The following ABCA12 variants were observed in gnomAD, a reference collection of about 807,000 sequenced individuals.
ABCA12 encodes the protein glucosylceramide transporter ABCA12.
Under a neutral mutation model 293.5 loss-of-function variants are expected in ABCA12, and 156 were observed. That is an observed-to-expected ratio of 0.53 (90% CI 0.47 to 0.61). The LOEUF (loss-of-function observed/expected upper bound fraction) is 0.61, where lower values mean the gene tolerates loss of function less well. ABCA12 is among the 20% of genes least tolerant of loss of function. The probability of loss-of-function intolerance (pLI) is 0.00; values close to 1 mark genes in which losing one functional copy is unlikely to be tolerated. For missense variants in ABCA12, 2,797 were observed against 3,090.2 expected (o/e 0.91, Z 2.25); for synonymous variants, 1,063 against 1,108.0 (o/e 0.96, Z 0.81).
intron 51 of ABCA12, 29 bp from the exon 52 acceptor site, chr2:214,934,244 T>C: frequency 6.2e-7 from 1 of 1,613,384 alleles, no homozygotes; most frequent in Non-Finnish European, 8.5e-7. Context: ...AAAAGTTTAT[T>C]TTGCAATGTC....
rs1025471618 is a variant in ABCA12, at chr2:214,978,244, A to C, written c.5128+72T>G. ...TTTAGAGTTGAATTTTTAAAAATCA[A>C]AGTCTGTCTGTGATTTTTCTCATTT... On this transcript the variant is annotated intron_variant, in intron 33 of 52. Coordinates refer to ENST00000272895, the MANE Select transcript of ABCA12 (RefSeq NM_173076.3). The C allele has an allele frequency of 1.5e-5, 23 of 1,562,718 alleles. No homozygotes were observed. In the African/African-American group the frequency reaches 1.6e-4, roughly 11 times the overall value.
chr2:214,960,204 A>G (rs1699074824), intron 39 of ABCA12, among the ~76,000 whole-genome samples: 1 of 152,182 alleles, frequency 6.6e-6, no homozygotes, highest in African/African-American at 2.4e-5. Context: ...ACTAACAACA[A>G]CAAAAACCAA....
chr2:215,113,252 C>A (rs1409529764), intron 1 of ABCA12, among the ~76,000 whole-genome samples: 1 of 152,188 alleles, frequency 6.6e-6, no homozygotes, highest in Non-Finnish European at 1.5e-5. Flanking sequence ...GCTGGTAGGC[C>A]TGTCACCAAC....
At chr2:215,057,089 C>A (rs1428042497) in intron 3 of ABCA12, among the ~76,000 whole-genome samples, 1 of 151,952 alleles carries the variant, frequency 6.6e-6, no homozygotes, top group African/African-American at 2.4e-5. Flanking sequence ...AGTATAGGAC[C>A]ATAAGATCTG....
intron 48 of ABCA12, among the ~76,000 whole-genome samples, chr2:214,945,785 G>T (rs1698563821): frequency 6.6e-6 from 1 of 152,084 alleles, no homozygotes; most frequent in Non-Finnish European, 1.5e-5. Context: ...AAATATACTT[G>T]TAACAAAGAA....
rs1482526160 is a variant in ABCA12 at position 214,953,850 on chromosome 2, T to G, written c.6647+4A>C. ...GTCAAACGTTATGTTTTCATTATAT[T>G]TACCTGAGTTTCTTTATCAGGGATT... On this transcript the variant is annotated splice_donor_region_variant and intron_variant, in intron 44 of 52. Coordinates refer to ENST00000272895, the MANE Select transcript of ABCA12 (RefSeq NM_173076.3). The G allele has an allele frequency of 6.2e-7, 1 of 1,613,450 alleles. No individual in the cohort carries two copies. The highest frequency in any genetic ancestry group is 1.1e-5 in the South Asian group (1 of 91,028).
At chr2:215,108,816 T>G (rs866179396) in intron 2 of ABCA12, among the ~76,000 whole-genome samples, 1 of 152,118 alleles carries the variant, frequency 6.6e-6, no homozygotes, top group Non-Finnish European at 1.5e-5. Context: ...ATGCCTGTAA[T>G]CCCAGCATTT....
At chr2:215,008,104 A>C (rs1191940516) in intron 18 of ABCA12, among the ~76,000 whole-genome samples, 4 of 152,204 alleles carry the variant, frequency 2.6e-5, no homozygotes, top group Non-Finnish European at 5.9e-5. Flanking sequence ...CCAAAATGAA[A>C]GCCTGACTTC....
intron 5 of ABCA12, chr2:215,050,888 A>G: frequency 1.2e-6 from 1 of 854,428 alleles, no homozygotes; most frequent in East Asian, 1.2e-4. Context: ...ATAGGCATCA[A>G]TATATCATCC....
intron 8 of ABCA12, 33 bp downstream of exon 8, chr2:215,036,920 T>C: frequency 6.3e-7 from 1 of 1,583,416 alleles, no homozygotes; most frequent in Non-Finnish European, 8.7e-7. Context: ...TTTGTGACAC[T>C]GAATTTAACA....
chr2:215,031,924 A>T, intron 8 of ABCA12, 28 bp from the exon 9 acceptor site: 2 of 1,612,764 alleles, frequency 1.2e-6, no homozygotes, highest in Middle Eastern at 1.7e-4. Flanking sequence ...ATATAGGTAA[A>T]CATTTAACAT....
intron 7 of ABCA12, among the ~76,000 whole-genome samples, chr2:215,041,255 C>G (rs1030636992): frequency 2.0e-5 from 3 of 151,566 alleles, no homozygotes; most frequent in African/African-American, 4.8e-5. Context: ...AAAAATTTAC[C>G]AAAAGAATAC....
At chr2:215,025,997 T>C (rs1372587318) in intron 10 of ABCA12, among the ~76,000 whole-genome samples, 1 of 152,204 alleles carries the variant, frequency 6.6e-6, no homozygotes, top group African/African-American at 2.4e-5. Flanking sequence ...GATAAAAATA[T>C]TTCTAGCAAA....
chr2:215,134,599 CTATATATATA>C (rs1161603641), intron 1 of ABCA12, among the ~76,000 whole-genome samples: 12 of 85,252 alleles, frequency 1.4e-4, no homozygotes, highest in Non-Finnish European at 2.3e-4. Flanking sequence ...CTCTCTCTCT[CTATATATATA>C]TATATATAGA....
At chr2:215,080,318 T>A (rs986207358) in intron 2 of ABCA12, among the ~76,000 whole-genome samples, 9 of 151,986 alleles carry the variant, frequency 5.9e-5, no homozygotes, top group African/African-American at 2.2e-4. Flanking sequence ...GGCAACATAG[T>A]GAGATATCAT....
intron 2 of ABCA12, chr2:215,085,600 G>C (rs1470979898): frequency 6.6e-6 from 1 of 152,172 alleles, no homozygotes; most frequent in African/African-American, 2.4e-5. Context: ...CTGGCCTAAA[G>C]TAATTTGCTT....
Position 214,974,870 on chromosome 2 carries a change from A to T in ABCA12, c.5382-6T>A, listed in dbSNP as rs1170178513. On this transcript the variant is annotated splice_polypyrimidine_tract_variant and splice_region_variant and intron_variant, in intron 34 of 52. Transcript: ENST00000272895. ...CCGTGCTCGGGTGATAATTACTGCA[A>T]TATGAAAGGACAGAAACAAATTCAT... 6.2e-7 allele frequency: 1 copy of T among 1,612,332 alleles called. No individual in the cohort carries two copies. The highest frequency in any genetic ancestry group is 8.5e-7 in the Non-Finnish European group (1 of 1,178,396).
chr2:215,015,643 C>G lies in ABCA12; in HGVS notation c.1803G>C (p.Trp601Cys). The G allele has an allele frequency of 6.2e-7, 1 of 1,613,908 alleles. No individual in the cohort carries two copies. Among genetic ancestry groups the G allele is most frequent in the Non-Finnish European group, 8.5e-7 (1 of 1,179,910 alleles). Residue 601 changes from tryptophan (W) to cysteine (C), a missense_variant, in exon 15 of 53, where the codon TGG becomes TGC. Coordinates refer to ENST00000272895, the MANE Select transcript of ABCA12 (RefSeq NM_173076.3). ...TGATATTAGTATCACAGGAATGCAGCCAGAACACCTGAGAAATAATCTGCA... is the reference window on the plus strand; with the variant it reads ...TGATATTAGTATCACAGGAATGCAGGCAGAACACCTGAGAAATAATCTGCA... ...NRAEIISQVF[W>C]LHSCDTNITT...
intron 3 of ABCA12, among the ~76,000 whole-genome samples, chr2:215,056,180 A>G (rs999554764): frequency 6.6e-6 from 1 of 152,114 alleles, no homozygotes; most frequent in Non-Finnish European, 1.5e-5. Flanking sequence ...GTGGTGAGGA[A>G]GTGGGAAGAA....
Sources: gnomAD v4.1 joint callset for allele counts (sites outside exome capture counted in the v4.1 genomes callset) on GRCh38, gnomAD v4.1.1 for gene constraint, MANE v1.5 for transcripts, NCBI Gene and HGNC (gene_info 2026-07-23, HGNC 2026-07-21) for gene names.